The following SGCZ variants were observed in gnomAD, a reference collection of about 807,000 sequenced individuals.
The protein encoded by SGCZ is zeta-sarcoglycan.
A neutral mutation model predicts 41.3 loss-of-function variants in SGCZ; 40 were observed. The observed-to-expected ratio is 0.97, with a 90% CI of 0.75 to 1.26. The LOEUF (loss-of-function observed/expected upper bound fraction) is 1.26. Ranked by LOEUF, SGCZ falls within the 50% of genes most tolerant of loss-of-function variation. SGCZ has a pLI of 0.00. For missense variants in SGCZ, 552 were observed against 369.8 expected (o/e 1.49, Z -4.04); for synonymous variants, 206 against 137.5 (o/e 1.50, Z -3.49).
intron 2 of SGCZ, among the ~76,000 whole-genome samples, chr8:14,398,989 T>C (rs998651225): frequency 1.2e-4 from 19 of 152,150 alleles, no homozygotes; most frequent in African/African-American, 4.3e-4. Flanking sequence ...TGAAATAACC[T>C]TACTTGAAAT....
intron 4 of SGCZ, among the ~76,000 whole-genome samples, chr8:14,190,496 G>A (rs1463733100): frequency 1.3e-5 from 2 of 152,028 alleles, no homozygotes; most frequent in Admixed American, 6.6e-5. Flanking sequence ...GAATACTGGT[G>A]CAATGGACAT....
chr8:14,451,550 A>G (rs1800593400), intron 2 of SGCZ, among the ~76,000 whole-genome samples: 1 of 152,218 alleles, frequency 6.6e-6, no homozygotes, highest in South Asian at 2.1e-4. Context: ...GAGATTGAGA[A>G]TACAAGCCAC....
chr8:14,403,152 T>A (rs1799123550), intron 2 of SGCZ, among the ~76,000 whole-genome samples: 1 of 150,438 alleles, frequency 6.6e-6, no homozygotes, highest in African/African-American at 2.5e-5. Flanking sequence ...ATCCCGAGAC[T>A]TTGCTGAAGT....
At chr8:14,947,602 G>T (rs1373346816) in intron 1 of SGCZ, among the ~76,000 whole-genome samples, 1 of 152,162 alleles carries the variant, frequency 6.6e-6, no homozygotes, top group Non-Finnish European at 1.5e-5. Flanking sequence ...GTTAGTAAAG[G>T]CGTAGTGCCC....
chr8:14,328,953 C>T (rs1398806140), intron 2 of SGCZ, among the ~76,000 whole-genome samples: 2 of 152,210 alleles, frequency 1.3e-5, no homozygotes, highest in Non-Finnish European at 2.9e-5. Flanking sequence ...GACACAGCAA[C>T]ACTGTGCCAA....
chr8:15,004,392 G>T (rs9694784), intron 1 of SGCZ, among the ~76,000 whole-genome samples: 17,454 of 152,114 alleles, frequency 0.11, 1,611 homozygotes, highest in African/African-American at 0.26. Flanking sequence ...GTGGGGAAAA[G>T]GCAGGGACTC....
intron 2 of SGCZ, among the ~76,000 whole-genome samples, chr8:14,337,933 G>C (rs1459590509): frequency 6.6e-6 from 1 of 152,126 alleles, no homozygotes; most frequent in Non-Finnish European, 1.5e-5. Flanking sequence ...AGGTCAGAGG[G>C]ACAACCAGGG....
chr8:14,726,058 A>G (rs1810037310), intron 1 of SGCZ, among the ~76,000 whole-genome samples: 2 of 151,980 alleles, frequency 1.3e-5, no homozygotes, highest in East Asian at 3.9e-4. Flanking sequence ...GGAGATCGAG[A>G]CCATCCTGGC....
chr8:14,449,179 G>C (rs1456013659), intron 2 of SGCZ, among the ~76,000 whole-genome samples: 2 of 152,138 alleles, frequency 1.3e-5, no homozygotes, highest in African/African-American at 2.4e-5. Flanking sequence ...ACATTAAGCA[G>C]CATTCAAGGG....
intron 1 of SGCZ, among the ~76,000 whole-genome samples, chr8:15,141,989 C>G (rs1798897033): frequency 6.6e-6 from 1 of 151,930 alleles, no homozygotes; most frequent in South Asian, 2.1e-4. Flanking sequence ...GACCCTGGGA[C>G]AGGCACCGGC....
At chr8:15,175,634 G>A (rs746463289) in intron 1 of SGCZ, among the ~76,000 whole-genome samples, 23 of 151,388 alleles carry the variant, frequency 1.5e-4, no homozygotes, top group Non-Finnish European at 2.7e-4. Flanking sequence ...ACAAACCCCC[G>A]TGACACACAT....
At chr8:14,885,985 T>TTTTA (rs1491416864) in intron 1 of SGCZ, among the ~76,000 whole-genome samples, 5 of 55,984 alleles carry the variant, frequency 8.9e-5, no homozygotes, top group South Asian at 8.5e-4. Flanking sequence ...GGACTTTATG[T>TTTTA]TATATATATA....
intron 3 of SGCZ, among the ~76,000 whole-genome samples, chr8:14,293,055 C>A (rs1022926362): frequency 4.0e-5 from 6 of 151,850 alleles, no homozygotes; most frequent in African/African-American, 1.5e-4. Context: ...GGTGATTAAC[C>A]AAATGTATAT....
intron 1 of SGCZ, among the ~76,000 whole-genome samples, chr8:14,625,156 C>A (rs7004259): frequency 2.0e-5 from 3 of 151,690 alleles, no homozygotes; most frequent in African/African-American, 7.3e-5. Context: ...AATTTGCTCA[C>A]TGTGTTCAGT....
At chr8:14,458,861 C>G (rs1227121401) in intron 2 of SGCZ, among the ~76,000 whole-genome samples, 1 of 152,094 alleles carries the variant, frequency 6.6e-6, no homozygotes. Flanking sequence ...ACAAACAACA[C>G]CATTAAACTA....
At position 14,691,147 on chromosome 8, in the gene SGCZ, T is replaced by C. The variant is rs191292371; in HGVS notation, c.40-136221A>G. 2.8e-3 allele frequency among the ~76,000 whole-genome samples: 419 copies of C among 152,326 alleles called. 4 individuals are homozygous for C. Among genetic ancestry groups the C allele is most frequent in the African/African-American group, 9.7e-3 (404 of 41,588 alleles). ...TTAAACAAATTCCTACATAACAGGA[T>C]GTCTTTTTCTTCAATGATGAATGAA... On this transcript the variant is annotated intron_variant, in intron 1 of 7. Transcript: ENST00000382080.
At chr8:15,015,874 T>C (rs564082302) in intron 1 of SGCZ, among the ~76,000 whole-genome samples, 71 of 151,920 alleles carry the variant, frequency 4.7e-4, no homozygotes, top group African/African-American at 1.6e-3. Flanking sequence ...ATTGCCTTTT[T>C]CATGGTCTTA....
chr8:14,694,198 T>A (rs1005564311), intron 1 of SGCZ, among the ~76,000 whole-genome samples: 27 of 152,190 alleles, frequency 1.8e-4, no homozygotes, highest in African/African-American at 6.5e-4. Flanking sequence ...CCTTCCTTGG[T>A]ATCAAGTACT....
chr8:15,153,731 G>C lies in SGCZ; in HGVS notation c.39+83854C>G, dbSNP rs140654418. ...CTGCCCCTACCGTGCCTTCCGCGAGGAAAAGTTTCTCCAAGCCTCCTCAGA... is the reference window on the plus strand; with the variant it reads ...CTGCCCCTACCGTGCCTTCCGCGAGCAAAAGTTTCTCCAAGCCTCCTCAGA... On this transcript the variant is annotated intron_variant, in intron 1 of 7. Transcript: ENST00000382080. 7.6e-3 allele frequency among the ~76,000 whole-genome samples: 1,164 copies of C among 152,196 alleles called. 10 individuals are homozygous for C. The highest frequency in any genetic ancestry group is 0.024 in the African/African-American group (1,017 of 41,512).
Sources: gnomAD v4.1 joint callset for allele counts (sites outside exome capture counted in the v4.1 genomes callset) on GRCh38, gnomAD v4.1.1 for gene constraint, MANE v1.5 for transcripts, NCBI Gene and HGNC (gene_info 2026-07-23, HGNC 2026-07-21) for gene names.